Variants in LRBA observed in about 807,000 individuals in gnomAD.
LRBA encodes lipopolysaccharide-responsive and beige-like anchor protein.
A neutral mutation model predicts 330.0 loss-of-function variants in LRBA; 176 were observed. The observed-to-expected ratio is 0.53, with a 90% confidence interval of 0.47 to 0.60. The LOEUF (loss-of-function observed/expected upper bound fraction) is 0.60, where lower values mean the gene tolerates loss of function less well. Among genes scored for constraint, LRBA ranks in the 20% least tolerant of loss-of-function variants. The pLI, the probability that LRBA is intolerant of heterozygous loss-of-function variation, is 0.00. For missense variants in LRBA, 3,259 were observed against 3,444.8 expected (o/e 0.95, Z 1.35); for synonymous variants, 1,230 against 1,193.0 (o/e 1.03, Z -0.64).
At chr4:150,754,930 A>C (rs1391173024) in intron 35 of LRBA, among the ~76,000 whole-genome samples, 1 of 152,208 alleles carries the variant, frequency 6.6e-6, no homozygotes, top group East Asian at 1.9e-4. Flanking sequence ...ACAGATAAGA[A>C]TATATTCTAG....
At chr4:150,412,008 G>A (rs999733816) in intron 47 of LRBA, among the ~76,000 whole-genome samples, 5 of 152,082 alleles carry the variant, frequency 3.3e-5, no homozygotes, top group African/African-American at 4.8e-5. Flanking sequence ...AATCAATATA[G>A]ACTATATTGT....
chr4:150,745,269 G>A (rs992793136), intron 35 of LRBA, among the ~76,000 whole-genome samples: 7 of 152,142 alleles, frequency 4.6e-5, no homozygotes, highest in Non-Finnish European at 1.0e-4. Flanking sequence ...GTTGCTTTGA[G>A]CTGCAAAATT....
intron 36 of LRBA, among the ~76,000 whole-genome samples, chr4:150,707,890 G>A (rs1785791489): frequency 6.6e-6 from 1 of 151,692 alleles, no homozygotes; most frequent in African/African-American, 2.4e-5. Context: ...AATTTTCAGT[G>A]TATTAAATAA....
intron 5 of LRBA, among the ~76,000 whole-genome samples, chr4:150,919,913 G>T (rs1733058012): frequency 1.3e-5 from 2 of 152,014 alleles, no homozygotes; most frequent in African/African-American, 4.8e-5. Context: ...TATAACATGA[G>T]GCATGAAAAA....
chr4:150,942,007 A>G (rs1735724578), intron 2 of LRBA, among the ~76,000 whole-genome samples: 1 of 152,228 alleles, frequency 6.6e-6, no homozygotes, highest in Admixed American at 6.5e-5. Flanking sequence ...TAAAAGAAAA[A>G]GAGTAAGTTT....
chr4:150,498,950 CT>C (rs1759911214), intron 40 of LRBA, among the ~76,000 whole-genome samples: 1 of 151,920 alleles, frequency 6.6e-6, no homozygotes, highest in African/African-American at 2.4e-5. Flanking sequence ...CAAATAATGC[CT>C]TGAGAAGATA....
intron 9 of LRBA, among the ~76,000 whole-genome samples, chr4:150,912,369 C>G (rs1312263063): frequency 6.6e-6 from 1 of 152,188 alleles, no homozygotes; most frequent in African/African-American, 2.4e-5. Context: ...ACTGCACATG[C>G]AAGGGATCTA....
rs1447998209 is a variant in LRBA at position 150,862,675 on chromosome 4, A to AT, written c.2766+4995dup. On this transcript the variant is annotated intron_variant, in intron 22 of 56. Coordinates refer to ENST00000651943, the MANE Select transcript of LRBA (RefSeq NM_001364905.1). ...CATGTACCCTAGAACTTAAAGTATA[A>AT]TTTAAAAAAAAAAAAAAAAGTCCAG... Among the ~76,000 whole-genome samples the AT allele has an allele frequency of 4.0e-4, 33 of 81,976 alleles. No homozygotes were observed. In the East Asian group the frequency reaches 6.2e-3, roughly 15 times the overall value. 53.8% of individuals were successfully genotyped at this position (81,976 alleles called of 152,430 possible).
chr4:150,357,975 A>C (rs1738120514), intron 47 of LRBA, among the ~76,000 whole-genome samples: 1 of 152,110 alleles, frequency 6.6e-6, no homozygotes, highest in South Asian at 2.1e-4. Flanking sequence ...GACAAAAATG[A>C]CCATAATGTA....
chr4:150,944,602 G>A (rs1158070033), intron 2 of LRBA, among the ~76,000 whole-genome samples: 1 of 152,064 alleles, frequency 6.6e-6, no homozygotes, highest in Non-Finnish European at 1.5e-5. Context: ...ATGGCAAGAA[G>A]ACAGTTTTGG....
intron 37 of LRBA, among the ~76,000 whole-genome samples, chr4:150,606,155 G>A (rs566179309): frequency 6.6e-6 from 1 of 152,176 alleles, no homozygotes; most frequent in South Asian, 2.1e-4. Context: ...AATTATTCAA[G>A]AAATGATCCC....
chr4:151,002,195 G>GAAAAAAAAAAAAAAAA (rs1743433051), intron 2 of LRBA, among the ~76,000 whole-genome samples: 1 of 7,842 alleles, frequency 1.3e-4, no homozygotes, highest in Admixed American at 1.4e-3. Flanking sequence ...ACATAAAACA[G>GAAAAAAAAAAAAAAAA]CAAAAAAAAA....
At chr4:150,878,985 A>C (rs1410058785) in intron 17 of LRBA, among the ~76,000 whole-genome samples, 1 of 151,902 alleles carries the variant, frequency 6.6e-6, no homozygotes, top group Non-Finnish European at 1.5e-5. Context: ...TATTCAAAAA[A>C]CTTGAGTACA....
At chr4:150,671,630 A>T (rs918169748) in intron 37 of LRBA, among the ~76,000 whole-genome samples, 2 of 152,226 alleles carry the variant, frequency 1.3e-5, no homozygotes, top group African/African-American at 4.8e-5. Flanking sequence ...ATTTATTCTC[A>T]CAATAGCACA....
chr4:150,843,830 A>C (rs555193334), intron 28 of LRBA, among the ~76,000 whole-genome samples: 3 of 152,346 alleles, frequency 2.0e-5, no homozygotes, highest in East Asian at 3.9e-4. Flanking sequence ...GTTGGACTTA[A>C]TTAATACATG....
chr4:150,885,546 A>C (rs996553158), intron 17 of LRBA, among the ~76,000 whole-genome samples: 2 of 152,164 alleles, frequency 1.3e-5, no homozygotes, highest in South Asian at 4.2e-4. Context: ...ACCTGAACCC[A>C]GGAGACAGAG....
intron 37 of LRBA, among the ~76,000 whole-genome samples, chr4:150,600,151 AG>A (rs1420340078): frequency 5.9e-5 from 9 of 152,100 alleles, no homozygotes; most frequent in African/African-American, 2.2e-4. Flanking sequence ...GTAAGAAAAA[AG>A]TCTCTGTAGA....
Position 150,467,747 on chromosome 4 carries a change from G to A in LRBA, c.6706C>T (p.Pro2236Ser), listed in dbSNP as rs1334633442. ...GATTCATAATTAGTGATGACCCAAG[G>A]AAACACTGGATACTGATTTAAGTCA... ...YNDLNQYPVF[P>S]WVITNYESEE... The change falls in exon 44 of 57, where the codon CCT (proline) becomes TCT (serine). Residue 2236 changes from proline (P) to serine (S), a missense_variant. Physicochemically the swap from Pro to Ser is moderately conservative, Grantham distance 74 (BLOSUM62 -1). Transcript: ENST00000651943. 6.2e-7 allele frequency: 1 copy of A among 1,602,454 alleles called. No homozygotes were observed. The highest frequency in any genetic ancestry group is 8.5e-7 in the Non-Finnish European group (1 of 1,171,392).
At chr4:150,677,090 C>G (rs954322100) in intron 37 of LRBA, among the ~76,000 whole-genome samples, 1 of 152,022 alleles carries the variant, frequency 6.6e-6, no homozygotes, top group Non-Finnish European at 1.5e-5. Flanking sequence ...TCAGTTCATA[C>G]AGCATAATGA....
Sources: allele counts gnomAD v4.1 joint callset (sites outside exome capture counted in the v4.1 genomes callset), GRCh38; gene constraint gnomAD v4.1.1; transcripts MANE v1.5; gene names NCBI Gene and HGNC (gene_info 2026-07-23, HGNC 2026-07-21).